SMARCA5: variants seen among roughly 807,000 people sequenced by gnomAD.
SMARCA5 encodes SNF2 related chromatin remodeling ATPase 5, also known as SWI/SNF-related matrix-associated actin-dependent regulator of chromatin subfamily A member 5.
In SMARCA5, 18 loss-of-function variants were observed where a neutral mutation model predicts 140.4. The observed-to-expected ratio is 0.13, with a 90% CI of 0.09 to 0.19. SMARCA5 has a LOEUF of 0.19. Ranked by LOEUF, SMARCA5 falls within the 10% of genes least tolerant of loss-of-function variation. The pLI is 1.00. For synonymous variants in SMARCA5, 449 were observed against 419.6 expected, an observed-to-expected ratio of 1.07 and a Z score of -0.86; for missense variants, 606 against 1,276.8, an observed-to-expected ratio of 0.47 and a Z score of 8.01.
Position 143,555,425 on chromosome 4 carries a change from T to C in SMARCA5, c.*2241T>C. On this transcript the variant is annotated 3_prime_UTR_variant, in exon 24 of 24. Coordinates refer to ENST00000283131, the MANE Select transcript of SMARCA5 (RefSeq NM_003601.4). ...ACGATCACAGAACTTGATGACTGTA[T>C]TTGTGACTAATTGTATAATAGTTTC... 1 of 619,682 alleles carries C rather than the reference T, an allele frequency of 1.6e-6. No homozygotes were observed. 38.4% of individuals were successfully genotyped at this position (619,682 alleles called of 1,614,324 possible).
At chr4:143,547,016 A>G in intron 20 of SMARCA5, 108 bp downstream of exon 20, 4 of 937,356 alleles carry the variant, frequency 4.3e-6, no homozygotes, top group Non-Finnish European at 6.2e-6. Context: ...CAGTGTAGTT[A>G]GTACCTTCTT....
intron 1 of SMARCA5, among the ~76,000 whole-genome samples, chr4:143,515,510 A>T (rs939953067): frequency 1.3e-5 from 2 of 152,186 alleles, no homozygotes; most frequent in African/African-American, 4.8e-5. Flanking sequence ...CTCTACAAAA[A>T]TTGTTTATAG....
rs188461453 is a variant in SMARCA5, at chr4:143,543,125, G to A, written c.1904-384G>A. On this transcript the variant is annotated intron_variant, in intron 14 of 23. Transcript: ENST00000283131. ...TTACTTTACTTTTCTAAGGAGAAAA[G>A]CTGATTTGGGGAGTATTAGTTAATA... 3.3e-5 allele frequency among the ~76,000 whole-genome samples: 5 copies of A among 152,316 alleles called. No homozygotes were observed. The East Asian group carries it at 7.7e-4, about 23-fold the overall frequency.
chr4:143,551,632 T>G (rs1197742591), intron 23 of SMARCA5, among the ~76,000 whole-genome samples: 1 of 152,104 alleles, frequency 6.6e-6, no homozygotes, highest in Admixed American at 6.6e-5. Context: ...AATTTTCCCA[T>G]TACCATTTAT....
intron 6 of SMARCA5, among the ~76,000 whole-genome samples, chr4:143,527,309 A>G (rs1045872343): frequency 9.9e-5 from 15 of 152,128 alleles, no homozygotes; most frequent in African/African-American, 3.6e-4. Context: ...CCTGTGAGTG[A>G]TAAGTCTATA....
At chr4:143,527,252 A>T (rs1205032586) in intron 6 of SMARCA5, among the ~76,000 whole-genome samples, 1 of 152,096 alleles carries the variant, frequency 6.6e-6, no homozygotes, top group Non-Finnish European at 1.5e-5. Context: ...ATTTATTCAG[A>T]CTCTACTGAA....
In SMARCA5 at chr4:143,517,437, C is replaced by G. The variant is rs368603372; in HGVS notation, c.252+8C>G. On this transcript the variant is annotated splice_region_variant and intron_variant, in intron 2 of 23. Transcript: ENST00000283131. ...ACCTATGAAGAAAAAATGGTATGTT[C>G]TAGGCTTGTGAATAGAGTCTATAAG... is the stretch of plus-strand genomic sequence containing the variant. The G allele has an allele frequency of 1.4e-5, 22 of 1,586,430 alleles. No homozygotes were observed. Among genetic ancestry groups the G allele is most frequent in the East Asian group, 4.5e-5 (2 of 44,278 alleles).
At chr4:143,539,051 C>A in intron 13 of SMARCA5, 113 bp downstream of exon 13, 1 of 917,762 alleles carries the variant, frequency 1.1e-6, no homozygotes, top group Non-Finnish European at 1.7e-6. Flanking sequence ...TTTCTCTAAT[C>A]TAATGGTTCA....
chr4:143,550,393 A>G (rs185854869), intron 23 of SMARCA5, among the ~76,000 whole-genome samples: 54 of 152,118 alleles, frequency 3.5e-4, no homozygotes, highest in African/African-American at 1.2e-3. Flanking sequence ...AATAAGTAAT[A>G]AGGACATCAG....
rs1737369133 is a variant in SMARCA5 at position 143,538,834 on chromosome 4, A to T, written c.1666A>T (p.Met556Leu). The part of the protein sequence containing the change: ...NEPNSTKFVF[M>L]LSTRAGGLGI... The stretch of plus-strand genomic sequence containing the variant: ...ACCAAACAGCACAAAGTTTGTTTTC[A>T]TGTTAAGCACGCGTGCTGGTGGTCT... The change falls in exon 13 of 24, where the codon ATG (methionine) becomes TTG (leucine). Residue 556 changes from methionine (M) to leucine (L), a missense_variant. Physicochemically the swap from Met to Leu is conservative, Grantham distance 15. Transcript: ENST00000283131. 1.2e-6 allele frequency: 2 copies of T among 1,614,094 alleles called. No individual in the cohort carries two copies. The highest frequency in any genetic ancestry group is 1.7e-6 in the Non-Finnish European group (2 of 1,179,980).
intron 15 of SMARCA5, 69 bp downstream of exon 15, chr4:143,543,726 C>A: frequency 6.7e-7 from 1 of 1,497,176 alleles, no homozygotes. Context: ...ATATTTGTTA[C>A]ATTGATGATA....
intron 1 of SMARCA5, among the ~76,000 whole-genome samples, chr4:143,516,151 T>C (rs1415902945): frequency 6.6e-6 from 1 of 152,102 alleles, no homozygotes; most frequent in Non-Finnish European, 1.5e-5. Context: ...TTTTTCTTGT[T>C]TGGAAGTATG....
intron 23 of SMARCA5, among the ~76,000 whole-genome samples, chr4:143,551,238 C>T (rs1343421238): frequency 6.6e-6 from 1 of 152,028 alleles, no homozygotes; most frequent in Non-Finnish European, 1.5e-5. Context: ...GATCTTTTGC[C>T]TATTTTTAAA....
At chr4:143,514,225 C>A in intron 1 of SMARCA5, 124 bp downstream of exon 1, 1 of 852,580 alleles carries the variant, frequency 1.2e-6, no homozygotes, top group Non-Finnish European at 1.7e-6. Context: ...AGCTTCACAC[C>A]CTGTGGATAC....
intron 22 of SMARCA5, among the ~76,000 whole-genome samples, chr4:143,549,080 T>C (rs564665722): frequency 6.6e-6 from 1 of 152,222 alleles, no homozygotes; most frequent in South Asian, 2.1e-4. Flanking sequence ...GTGGGAACAA[T>C]TTATAGAGTT....
rs1210370939 is a variant in SMARCA5, at chr4:143,553,574, G to A, written c.*390G>A. 1 of 160,492 alleles carries A rather than the reference G, an allele frequency of 6.2e-6. No homozygotes were observed. Among genetic ancestry groups the A allele is most frequent in the East Asian group, 1.8e-4 (1 of 5,640 alleles). 9.9% of individuals were successfully genotyped at this position (160,492 alleles called of 1,614,324 possible). A position where few individuals can be genotyped will look rare whatever the true frequency, so the allele number is the denominator to read the frequency against. The stretch of plus-strand genomic sequence containing the variant: ...TCCCTTTCAGTCTTCACCTAGTTGT[G>A]TAATTATTTTAATTCACTTTGCCTT... On this transcript the variant is annotated 3_prime_UTR_variant, in exon 24 of 24. Coordinates refer to ENST00000283131, the MANE Select transcript of SMARCA5 (RefSeq NM_003601.4).
At chr4:143,515,126 T>G (rs1312727830) in intron 1 of SMARCA5, among the ~76,000 whole-genome samples, 1 of 152,188 alleles carries the variant, frequency 6.6e-6, no homozygotes, top group Non-Finnish European at 1.5e-5. Flanking sequence ...TTAGACAGAA[T>G]GAAAGTAATA....
At position 143,515,480 on chromosome 4, in the gene SMARCA5, T is replaced by C. The variant is rs576644383; in HGVS notation, c.177+1379T>C. ...GCTTAAGGGGTTTGACACAAAGCAA[T>C]TATGTGTAAATGTGCAGTTCTCTAC... On this transcript the variant is annotated intron_variant, in intron 1 of 23. Transcript: ENST00000283131. Among the ~76,000 whole-genome samples the C allele has an allele frequency of 7.0e-4, 107 of 152,286 alleles. No homozygotes were observed. In the South Asian group the frequency reaches 0.021, roughly 30 times the overall value.
At chr4:143,522,088 T>A (rs1217076191) in intron 3 of SMARCA5, among the ~76,000 whole-genome samples, 2 of 152,146 alleles carry the variant, frequency 1.3e-5, no homozygotes, top group African/African-American at 4.8e-5. Flanking sequence ...GACTTGAATT[T>A]GAATCTGACT....
Sources: allele counts gnomAD v4.1 joint callset (sites outside exome capture counted in the v4.1 genomes callset), GRCh38; gene constraint gnomAD v4.1.1; transcripts MANE v1.5; gene names NCBI Gene and HGNC (gene_info 2026-07-23, HGNC 2026-07-21).